ATXN8OS: variants seen among roughly 807,000 people sequenced by gnomAD.
The protein encoded by ATXN8OS is ATXN8 opposite strand lncRNA, also known as ATXN8 opposite strand (non-protein coding).
intron 3 of ATXN8OS, chr13:70,130,609 T>C (rs755635546): frequency 1.3e-5 from 5 of 397,480 alleles, no homozygotes; most frequent in Non-Finnish European, 2.2e-5. Context: ...GTGGGAGAGA[T>C]GGGTAAGTAA....
chr13:70,171,688 T>G (rs1889145832), exon 5 of ATXN8OS, among the ~76,000 whole-genome samples: 1 of 152,108 alleles, frequency 6.6e-6, no homozygotes, highest in South Asian at 2.1e-4. Flanking sequence ...TTATTAACTT[T>G]CATTGACTTT....
intron 4 of ATXN8OS, among the ~76,000 whole-genome samples, chr13:70,154,182 T>C (rs1184677046): frequency 6.6e-6 from 1 of 152,188 alleles, no homozygotes; most frequent in Non-Finnish European, 1.5e-5. Context: ...TGCTCTAAAT[T>C]TTTGAGAGGC....
At chr13:70,131,082 T>C (rs1262399902) in intron 3 of ATXN8OS, 3 of 398,418 alleles carry the variant, frequency 7.5e-6, no homozygotes, top group Non-Finnish European at 1.3e-5. Flanking sequence ...TTATCTCTTA[T>C]CCACATTCTT....
rs915767411 is a variant in ATXN8OS at position 70,132,504 on chromosome 13, C to T, written n.499+2620C>T. 2.0e-5 allele frequency among the ~76,000 whole-genome samples: 3 copies of T among 151,862 alleles called. No homozygotes were observed. The South Asian group carries it at 6.2e-4, about 32-fold the overall frequency. On this transcript the variant is annotated intron_variant and non_coding_transcript_variant, in intron 3 of 4. Transcript: ENST00000678624. ...GATTAAAAGGGCTGAAAAACTAACT[C>T]TTGGGTACTACGCTCACCTCCTGGG...
At chr13:70,153,514 G>T (rs1285769399) in intron 4 of ATXN8OS, among the ~76,000 whole-genome samples, 1 of 152,168 alleles carries the variant, frequency 6.6e-6, no homozygotes, top group Non-Finnish European at 1.5e-5. Context: ...GATGGAGGTT[G>T]CAGTGAGCCA....
At chr13:70,111,306 G>A (rs984625634) in intron 1 of ATXN8OS, among the ~76,000 whole-genome samples, 9 of 152,174 alleles carry the variant, frequency 5.9e-5, no homozygotes, top group Admixed American at 2.0e-4. Context: ...CTGAAGGTGG[G>A]TAACTTATAA....
At chr13:70,153,742 C>T (rs992828389) in intron 4 of ATXN8OS, among the ~76,000 whole-genome samples, 1 of 152,094 alleles carries the variant, frequency 6.6e-6, no homozygotes, top group Non-Finnish European at 1.5e-5. Context: ...TGCAGGGGCA[C>T]AGTCACAGCT....
At chr13:70,156,146 AT>A (rs1888933470) in intron 4 of ATXN8OS, among the ~76,000 whole-genome samples, 1 of 149,696 alleles carries the variant, frequency 6.7e-6, no homozygotes, top group Non-Finnish European at 1.5e-5. Flanking sequence ...AAAAAAAATG[AT>A]TTTTTTCAGC....
chr13:70,124,524 G>A (rs776864115), intron 2 of ATXN8OS, among the ~76,000 whole-genome samples: 3 of 152,002 alleles, frequency 2.0e-5, no homozygotes, highest in African/African-American at 7.2e-5. Context: ...ACAGGCATGA[G>A]GGAAGCAATT....
intron 4 of ATXN8OS, among the ~76,000 whole-genome samples, chr13:70,160,180 TCA>T (rs1888987378): frequency 1.6e-5 from 1 of 62,944 alleles, no homozygotes; most frequent in Non-Finnish European, 6.2e-5. Context: ...TTGTGAGCAC[TCA>T]GTCTGTTGAC....
chr13:70,124,829 A>C (rs1888406446), intron 2 of ATXN8OS, among the ~76,000 whole-genome samples: 1 of 151,948 alleles, frequency 6.6e-6, no homozygotes, highest in Admixed American at 6.6e-5. Flanking sequence ...CAGATATATA[A>C]TTGCTTGCAT....
chr13:70,164,030 G>T (rs1176575787), intron 4 of ATXN8OS, among the ~76,000 whole-genome samples: 2 of 145,178 alleles, frequency 1.4e-5, no homozygotes, highest in Admixed American at 7.0e-5. Flanking sequence ...TTTTCTCCTA[G>T]AATTGTAAGC....
At chr13:70,113,302 TATAG>T (rs1214875850) in intron 1 of ATXN8OS, among the ~76,000 whole-genome samples, 1 of 141,074 alleles carries the variant, frequency 7.1e-6, no homozygotes, top group East Asian at 2.0e-4. Context: ...GACATATAGA[TATAG>T]ATAAATGTAA....
intron 4 of ATXN8OS, among the ~76,000 whole-genome samples, chr13:70,163,885 G>A (rs950851832): frequency 6.1e-5 from 9 of 147,084 alleles, no homozygotes; most frequent in African/African-American, 2.3e-4. Context: ...GGGAAATCAT[G>A]GTTTTTTTTT....
At chr13:70,146,078 AC>A (rs1888782309) in intron 3 of ATXN8OS, among the ~76,000 whole-genome samples, 2 of 129,578 alleles carry the variant, frequency 1.5e-5, no homozygotes, top group Non-Finnish European at 3.4e-5. Flanking sequence ...AAAAAAAAAA[AC>A]AACCCCATCA....
chr13:70,157,465 C>G (rs1011731249), intron 4 of ATXN8OS, among the ~76,000 whole-genome samples: 2 of 151,150 alleles, frequency 1.3e-5, no homozygotes, highest in South Asian at 4.2e-4. Flanking sequence ...CTAGATTATC[C>G]TAAGGAAAGA....
chr13:70,165,445 T>G (rs1287472974), intron 4 of ATXN8OS, among the ~76,000 whole-genome samples: 1 of 151,836 alleles, frequency 6.6e-6, no homozygotes, highest in Non-Finnish European at 1.5e-5. Flanking sequence ...AGAAAAACAT[T>G]TTTAAAAAAC....
chr13:70,156,190 G>A (rs918351419), intron 4 of ATXN8OS, among the ~76,000 whole-genome samples: 1 of 151,624 alleles, frequency 6.6e-6, no homozygotes, highest in East Asian at 1.9e-4. Context: ...TTACTCTTTT[G>A]ATTTTCTTTC....
At chr13:70,127,984 T>A (rs1010552480) in intron 2 of ATXN8OS, among the ~76,000 whole-genome samples, 2 of 152,056 alleles carry the variant, frequency 1.3e-5, no homozygotes, top group Non-Finnish European at 2.9e-5. Context: ...TATGTTGTTA[T>A]ATAATGAACA....
Sources: allele counts gnomAD v4.1 joint callset (sites outside exome capture counted in the v4.1 genomes callset), GRCh38; gene constraint gnomAD v4.1.1; transcripts MANE v1.5; gene names NCBI Gene and HGNC (gene_info 2026-07-23, HGNC 2026-07-21).